Variants in HDHD2 observed in about 807,000 individuals in gnomAD.
HDHD2 encodes the protein haloacid dehalogenase-like hydrolase domain-containing protein 2.
HDHD2 carries 26 observed loss-of-function variants against 24.8 expected under a neutral mutation model. That is an observed-to-expected ratio of 1.05 (90% CI 0.77 to 1.45). The LOEUF is 1.45. Among genes scored for constraint, HDHD2 ranks in the 40% most tolerant of loss-of-function variants. The pLI, the probability that HDHD2 is intolerant of heterozygous loss-of-function variation, is 0.00. For missense variants in HDHD2, 299 were observed against 313.4 expected (o/e 0.95, Z 0.35); for synonymous variants, 128 against 114.9 (o/e 1.11, Z -0.73).
intron 1 of HDHD2, among the ~76,000 whole-genome samples, chr18:47,139,636 G>C (rs766952778): frequency 6.6e-6 from 1 of 152,108 alleles, no homozygotes; most frequent in Admixed American, 6.6e-5. Flanking sequence ...GTCAGGACTC[G>C]TGACTGGTGT....
chr18:47,122,386 T>G (rs756397255), intron 4 of HDHD2, among the ~76,000 whole-genome samples: 113 of 152,266 alleles, frequency 7.4e-4, no homozygotes, highest in Non-Finnish European at 1.5e-3. Flanking sequence ...CCTATGTATA[T>G]AGGATGTTTA....
intron 4 of HDHD2, among the ~76,000 whole-genome samples, chr18:47,118,838 C>G (rs1269956261): frequency 6.6e-6 from 1 of 152,184 alleles, no homozygotes; most frequent in African/African-American, 2.4e-5. Flanking sequence ...TGGCACCAAT[C>G]AAGGAGAGCT....
chr18:47,124,961 T>C (rs1000963473), intron 4 of HDHD2, among the ~76,000 whole-genome samples: 1 of 151,974 alleles, frequency 6.6e-6, no homozygotes. Flanking sequence ...CATCAGGAGT[T>C]TGAGAACAGC....
At chr18:47,119,888 G>A (rs1253499268) in intron 4 of HDHD2, among the ~76,000 whole-genome samples, 2 of 152,234 alleles carry the variant, frequency 1.3e-5, no homozygotes, top group African/African-American at 4.8e-5. Flanking sequence ...TAACAGGCAT[G>A]AGAACAACAT....
At chr18:47,120,688 G>A (rs915041921) in intron 4 of HDHD2, among the ~76,000 whole-genome samples, 2 of 152,208 alleles carry the variant, frequency 1.3e-5, no homozygotes, top group Non-Finnish European at 1.5e-5. Context: ...TGCCTTACTT[G>A]CCTTACTCAT....
rs184894998 is a variant in HDHD2 at position 47,115,621 on chromosome 18, G to T, written c.396-273C>A. Among the ~76,000 whole-genome samples the T allele has an allele frequency of 6.6e-5, 10 of 152,258 alleles. No homozygotes were observed. In the East Asian group the frequency reaches 1.7e-3, roughly 26 times the overall value. ...TTTCAGACACTACCCAAATCACCAG[G>T]GAAAGAGAATTAAGAGAACTAAAGC... On this transcript the variant is annotated intron_variant, in intron 4 of 6. Coordinates refer to ENST00000300605, the MANE Select transcript of HDHD2 (RefSeq NM_032124.5).
chr18:47,123,940 T>C (rs2063631924), intron 4 of HDHD2, among the ~76,000 whole-genome samples: 1 of 152,194 alleles, frequency 6.6e-6, no homozygotes, highest in Admixed American at 6.5e-5. Flanking sequence ...TTGGAGGATG[T>C]ACACTACCAG....
At chr18:47,116,989 A>C (rs2063562835) in intron 4 of HDHD2, among the ~76,000 whole-genome samples, 1 of 152,072 alleles carries the variant, frequency 6.6e-6, no homozygotes, top group South Asian at 2.1e-4. Context: ...ACACTTCTCT[A>C]AATGGGAACT....
At chr18:47,120,112 A>G (rs964317915) in intron 4 of HDHD2, among the ~76,000 whole-genome samples, 1 of 152,226 alleles carries the variant, frequency 6.6e-6, no homozygotes, top group Non-Finnish European at 1.5e-5. Context: ...CACCAGCTGC[A>G]TTAGCCCCTA....
chr18:47,148,963 AC>A (rs1475963297), intron 1 of HDHD2: 1 of 152,138 alleles, frequency 6.6e-6, no homozygotes, highest in Non-Finnish European at 1.5e-5. Flanking sequence ...AACCTTCTTA[AC>A]CTTTTTGCCT....
At chr18:47,135,886 A>T (rs920971351) in intron 2 of HDHD2, among the ~76,000 whole-genome samples, 1 of 152,224 alleles carries the variant, frequency 6.6e-6, no homozygotes, top group Admixed American at 6.5e-5. Flanking sequence ...GATGGAAATA[A>T]CACAAAAATT....
At chr18:47,116,695 A>G (rs573825532) in intron 4 of HDHD2, among the ~76,000 whole-genome samples, 2 of 152,308 alleles carry the variant, frequency 1.3e-5, no homozygotes, top group Non-Finnish European at 2.9e-5. Context: ...GCTGACAGCA[A>G]TGAGTTACTA....
intron 1 of HDHD2, among the ~76,000 whole-genome samples, chr18:47,140,928 G>A (rs1300819771): frequency 6.6e-6 from 1 of 152,050 alleles, no homozygotes; most frequent in African/African-American, 2.4e-5. Flanking sequence ...TTTCTATGTA[G>A]ACAATAATTA....
At position 47,142,165 on chromosome 18, in the gene HDHD2, T is replaced by C. The variant is rs551697344; in HGVS notation, c.-10-5716A>G. On this transcript the variant is annotated intron_variant, in intron 1 of 6. Coordinates refer to ENST00000300605, the MANE Select transcript of HDHD2 (RefSeq NM_032124.5). ...TCCTTACAGCAGCGTGAGAATGAAC[T>C]AGTACAGATTTTTAGATGATTGGGA... 3.9e-5 allele frequency among the ~76,000 whole-genome samples: 6 copies of C among 152,202 alleles called. No individual in the cohort carries two copies. In the East Asian group the frequency reaches 1.2e-3, roughly 29 times the overall value.
intron 3 of HDHD2, among the ~76,000 whole-genome samples, chr18:47,133,280 ATGG>A (rs1264772910): frequency 6.6e-6 from 1 of 151,974 alleles, no homozygotes; most frequent in Non-Finnish European, 1.5e-5. Context: ...TTTGCTGAGA[ATGG>A]TGGTTTCCAG....
Position 47,108,593 on chromosome 18 carries a change from G to T in HDHD2, c.*89C>A. On this transcript the variant is annotated 3_prime_UTR_variant, in exon 7 of 7. Transcript: ENST00000300605. ...TAAAAAGCGATCAGCACTGACTGGT[G>T]TCTACCGATGCTGGCACTGAGTTGG... The T allele has an allele frequency of 1.4e-6, 1 of 702,074 alleles. No individual in the cohort carries two copies. Among genetic ancestry groups the T allele is most frequent in the Non-Finnish European group, 2.5e-6 (1 of 398,330 alleles). 43.5% of individuals were successfully genotyped at this position (702,074 alleles called of 1,614,324 possible).
chr18:47,141,964 G>A (rs560171970), intron 1 of HDHD2, among the ~76,000 whole-genome samples: 1 of 152,280 alleles, frequency 6.6e-6, no homozygotes, highest in South Asian at 2.1e-4. Context: ...AATCTCCCAA[G>A]ATTTGATGGT....
At chr18:47,138,996 T>C (rs2063794230) in intron 1 of HDHD2, among the ~76,000 whole-genome samples, 1 of 152,160 alleles carries the variant, frequency 6.6e-6, no homozygotes, top group Non-Finnish European at 1.5e-5. Context: ...ATGGGGGCTT[T>C]TGGGGAGCTG....
intron 3 of HDHD2, 21 bp from the exon 4 acceptor site, chr18:47,130,349 T>A (rs748241493): frequency 1.0e-5 from 15 of 1,468,896 alleles, no homozygotes; most frequent in African/African-American, 5.7e-5. Flanking sequence ...AAAAAAAAAA[T>A]GATTGTTGCA....
Sources: allele counts gnomAD v4.1 joint callset (sites outside exome capture counted in the v4.1 genomes callset), GRCh38; gene constraint gnomAD v4.1.1; transcripts MANE v1.5; gene names NCBI Gene and HGNC (gene_info 2026-07-23, HGNC 2026-07-21).